MINDY4B: variants seen among roughly 807,000 people sequenced by gnomAD.
MINDY4B encodes the protein inactive ubiquitin carboxyl-terminal hydrolase MINDY-4B.
In MINDY4B, 25 loss-of-function variants were observed where a neutral mutation model predicts 16.7. The observed-to-expected ratio is 1.49, with a 90% confidence interval of 1.09 to 2.09. The LOEUF (loss-of-function observed/expected upper bound fraction) is 2.09. Ranked by LOEUF, MINDY4B falls within the 30% of genes most tolerant of loss-of-function variation. The pLI is 0.00. For synonymous variants in MINDY4B, 132 were observed against 61.9 expected (o/e 2.13, Z -5.32); for missense variants, 327 against 168.4 (o/e 1.94, Z -5.21).
intron 10 of MINDY4B, 22 bp downstream of exon 10, chr3:150,882,875 T>G (rs749097637): frequency 1.4e-6 from 1 of 689,896 alleles, no homozygotes; most frequent in South Asian, 1.5e-5. Flanking sequence ...GGTTGTGTGG[T>G]TGAGGACTGG....
At chr3:150,893,696 T>TTTGG (rs1491107329) in intron 4 of MINDY4B, among the ~76,000 whole-genome samples, 5 of 53,586 alleles carry the variant, frequency 9.3e-5, no homozygotes, top group African/African-American at 1.9e-4. Context: ...AGTTTTTTTT[T>TTTGG]GGGGGGGGGG....
rs1491107329 is a variant in MINDY4B, at chr3:150,893,696, T to TTGGG, written c.430-282_430-281insCCCA. Among the ~76,000 whole-genome samples, 38 of 53,606 alleles carry TTGGG rather than the reference T, an allele frequency of 7.1e-4. 2 individuals are homozygous for TTGGG. Among genetic ancestry groups the TTGGG allele is most frequent in the African/African-American group, 1.6e-3 (33 of 20,816 alleles). 35.2% of individuals were successfully genotyped at this position (53,606 alleles called of 152,430 possible). On this transcript the variant is annotated intron_variant, in intron 4 of 11. Coordinates refer to ENST00000465419, the MANE Select transcript of MINDY4B (RefSeq NM_001351281.2). ...TCCCTGCTTCATAGTAGTTTTTTTT[T>TTGGG]GGGGGGGGGGGTGGGGTGCAGTCTT...
rs113615264 is a variant in MINDY4B at position 150,883,498 on chromosome 3, G to A, written c.897+202C>T. On this transcript the variant is annotated intron_variant, in intron 9 of 11. Transcript: ENST00000465419. ...AGGAGGACTGTTATGAAAATTAGACGGTAGATTTTGATGCAACCCAGGGTA... is the reference window on the plus strand; with the variant it reads ...AGGAGGACTGTTATGAAAATTAGACAGTAGATTTTGATGCAACCCAGGGTA... 4.9e-4 allele frequency among the ~76,000 whole-genome samples: 75 copies of A among 151,996 alleles called. 1 individual carries two copies. The highest frequency in any genetic ancestry group is 1.6e-3 in the African/African-American group (66 of 41,454).
chr3:150,897,880 C>A (rs1241236841), intron 3 of MINDY4B, among the ~76,000 whole-genome samples: 1 of 152,194 alleles, frequency 6.6e-6, no homozygotes, highest in East Asian at 1.9e-4. Context: ...GCCCTAGACC[C>A]AGAACATCCC....
At chr3:150,895,850 A>G (rs562085194) in intron 3 of MINDY4B, among the ~76,000 whole-genome samples, 1 of 152,290 alleles carries the variant, frequency 6.6e-6, no homozygotes, top group Admixed American at 6.5e-5. Context: ...TTTTTTTGCA[A>G]TGAATTTCCC....
chr3:150,874,005 A>ATTTT (rs558319330), intron 10 of MINDY4B, among the ~76,000 whole-genome samples: 31 of 81,986 alleles, frequency 3.8e-4, no homozygotes, highest in Non-Finnish European at 5.2e-4. Flanking sequence ...TTTAGCCTTG[A>ATTTT]TTTTTTTTTT....
chr3:150,900,352 T>C (rs891680879), intron 3 of MINDY4B, among the ~76,000 whole-genome samples: 1 of 152,218 alleles, frequency 6.6e-6, no homozygotes, highest in Non-Finnish European at 1.5e-5. Flanking sequence ...GGAAATGCCA[T>C]GCATCCGTAA....
At chr3:150,900,475 G>T (rs965162340) in intron 3 of MINDY4B, among the ~76,000 whole-genome samples, 1 of 152,160 alleles carries the variant, frequency 6.6e-6, no homozygotes, top group Non-Finnish European at 1.5e-5. Context: ...CTGAAACATC[G>T]ATTAGAATTG....
At chr3:150,890,272 G>A (rs1173398339) in intron 7 of MINDY4B, 48 bp downstream of exon 7, 1 of 450,698 alleles carries the variant, frequency 2.2e-6, no homozygotes, top group Non-Finnish European at 3.9e-6. Flanking sequence ...GAAGATCCCT[G>A]TAAGATCAGT....
chr3:150,875,149 T>C (rs990638994), intron 10 of MINDY4B, among the ~76,000 whole-genome samples: 1 of 152,246 alleles, frequency 6.6e-6, no homozygotes, highest in Non-Finnish European at 1.5e-5. Flanking sequence ...AGTGAAGATG[T>C]ACCATTGAAG....
intron 3 of MINDY4B, among the ~76,000 whole-genome samples, chr3:150,897,697 G>T (rs750595182): frequency 1.3e-5 from 2 of 152,196 alleles, no homozygotes; most frequent in Non-Finnish European, 2.9e-5. Context: ...AAAAGAAAAG[G>T]TTGTCTCTAC....
intron 5 of MINDY4B, among the ~76,000 whole-genome samples, chr3:150,891,331 G>C (rs777215081): frequency 2.0e-5 from 3 of 152,204 alleles, no homozygotes; most frequent in Non-Finnish European, 4.4e-5. Context: ...TACACAGTGG[G>C]AGACCTTTAC....
intron 10 of MINDY4B, among the ~76,000 whole-genome samples, chr3:150,881,384 AAAAT>A (rs778952816): frequency 1.3e-5 from 2 of 152,120 alleles, no homozygotes; most frequent in Admixed American, 6.5e-5. Context: ...CTCTGTCTCA[AAAAT>A]AAATAAATAG....
In MINDY4B at chr3:150,873,294, A is replaced by G. The variant is rs1460238720; in HGVS notation, c.1133T>C (p.Phe378Ser). The change falls in exon 11 of 12, where the codon TTT becomes TCT. Residue 378 changes from phenylalanine (F) to serine (S), a missense_variant. Coordinates refer to ENST00000465419, the MANE Select transcript of MINDY4B (RefSeq NM_001351281.2). ...CNINGNYSIL[F>S]CTNRQLLSDW... ...TGATAAGAGCTGCCTGTTTGTGCAA[A>G]AAAGGATGCTGTAATTTCCATTGAT... 1.4e-6 allele frequency: 1 copy of G among 702,926 alleles called. No individual in the cohort carries two copies. The highest frequency in any genetic ancestry group is 2.0e-5 in the Admixed American group (1 of 50,006). 43.5% of individuals were successfully genotyped at this position (702,926 alleles called of 1,614,324 possible).
chr3:150,877,058 TTA>T (rs1200762633), intron 10 of MINDY4B, among the ~76,000 whole-genome samples: 2 of 152,110 alleles, frequency 1.3e-5, no homozygotes, highest in Non-Finnish European at 2.9e-5. Flanking sequence ...TCTTTTTTTT[TTA>T]AAGTCTCACC....
intron 10 of MINDY4B, among the ~76,000 whole-genome samples, chr3:150,877,040 G>A (rs1711497720): frequency 8.5e-6 from 1 of 117,796 alleles, no homozygotes; most frequent in African/African-American, 3.5e-5. Flanking sequence ...CATCTAATGA[G>A]AATACCATCT....
intron 7 of MINDY4B, among the ~76,000 whole-genome samples, chr3:150,889,305 C>A (rs1344151665): frequency 6.6e-6 from 1 of 152,268 alleles, no homozygotes; most frequent in Non-Finnish European, 1.5e-5. Flanking sequence ...GCCCTGCCCA[C>A]ATTCCTTGGT....
chr3:150,876,622 T>A (rs1385768871), intron 10 of MINDY4B, among the ~76,000 whole-genome samples: 1 of 152,190 alleles, frequency 6.6e-6, no homozygotes, highest in Non-Finnish European at 1.5e-5. Flanking sequence ...GTGCAGTGGG[T>A]ACTGCTTCAC....
At chr3:150,889,306 A>C (rs186195320) in intron 7 of MINDY4B, among the ~76,000 whole-genome samples, 8 of 152,358 alleles carry the variant, frequency 5.3e-5, no homozygotes. Flanking sequence ...CCCTGCCCAC[A>C]TTCCTTGGTT....
Sources: allele counts gnomAD v4.1 joint callset (sites outside exome capture counted in the v4.1 genomes callset), GRCh38; gene constraint gnomAD v4.1.1; transcripts MANE v1.5; gene names NCBI Gene and HGNC (gene_info 2026-07-23, HGNC 2026-07-21).